Variants in ASB3 observed in about 807,000 individuals in gnomAD.
The protein encoded by ASB3 is ankyrin repeat and SOCS box protein 3.
In ASB3, 41 loss-of-function variants were observed where a neutral mutation model predicts 54.5. The observed-to-expected ratio is 0.75, with a 90% CI of 0.59 to 0.98. The LOEUF (loss-of-function observed/expected upper bound fraction) is 0.98, where lower values mean the gene tolerates loss of function less well. Ranked by LOEUF, ASB3 falls within the 50% of genes least tolerant of loss-of-function variation. ASB3 has a pLI of 0.00. For synonymous variants in ASB3, 266 were observed against 221.2 expected (o/e 1.20, Z -1.80); for missense variants, 733 against 620.0 (o/e 1.18, Z -1.94).
intron 3 of ASB3, among the ~76,000 whole-genome samples, chr2:53,736,004 A>T (rs1255013293): frequency 6.6e-6 from 1 of 151,962 alleles, no homozygotes; most frequent in Admixed American, 6.5e-5. Context: ...CTTCTAAAAA[A>T]AAAAAAAAAA....
At chr2:53,767,456 G>A (rs547548575) in intron 1 of ASB3, 1 of 157,530 alleles carries the variant, frequency 6.3e-6, no homozygotes, top group Admixed American at 6.3e-5. Context: ...TGCGGTGCTG[G>A]TACACCGCCT....
intron 7 of ASB3, among the ~76,000 whole-genome samples, chr2:53,705,624 A>G (rs1037048694): frequency 1.3e-5 from 2 of 152,190 alleles, no homozygotes; most frequent in Non-Finnish European, 2.9e-5. Context: ...TTATCCAATA[A>G]TAGGAAGTTT....
chr2:53,766,677 C>T (rs774722448), intron 1 of ASB3, among the ~76,000 whole-genome samples: 5 of 152,114 alleles, frequency 3.3e-5, no homozygotes, highest in Non-Finnish European at 7.4e-5. Context: ...TTGGTCATTA[C>T]ACTCTTTTTA....
intron 7 of ASB3, 31 bp downstream of exon 7, chr2:53,714,353 T>TA: frequency 6.2e-7 from 1 of 1,606,124 alleles, no homozygotes. Context: ...CAAAAAAGAA[T>TA]AAAAAATAAA....
chr2:53,752,836 AC>A (rs1672594294), intron 2 of ASB3, among the ~76,000 whole-genome samples: 1 of 152,244 alleles, frequency 6.6e-6, no homozygotes, highest in Admixed American at 6.5e-5. Context: ...AAAGGAATCA[AC>A]AGAAGCAGTA....
At chr2:53,773,932 G>A (rs905619548) in intron 1 of ASB3, among the ~76,000 whole-genome samples, 22 of 152,064 alleles carry the variant, frequency 1.4e-4, no homozygotes, top group African/African-American at 5.1e-4. Flanking sequence ...TCACTTGAGA[G>A]GCTGAGGCAG....
chr2:53,751,150 A>G (rs529182131), intron 2 of ASB3, among the ~76,000 whole-genome samples: 63 of 152,260 alleles, frequency 4.1e-4, no homozygotes, highest in African/African-American at 1.4e-3. Context: ...TAATACACAA[A>G]TCCTGTCCAC....
intron 9 of ASB3, among the ~76,000 whole-genome samples, chr2:53,682,569 C>A (rs939600381): frequency 6.6e-6 from 1 of 152,040 alleles, no homozygotes; most frequent in Admixed American, 6.5e-5. Flanking sequence ...CTCCACCTCT[C>A]GGGTTCAAGT....
chr2:53,678,614 C>T (rs1449470077), intron 9 of ASB3, among the ~76,000 whole-genome samples: 3 of 152,130 alleles, frequency 2.0e-5, no homozygotes, highest in African/African-American at 4.8e-5. Flanking sequence ...CCCATGCACC[C>T]GACTTTGGGA....
chr2:53,754,777 T>C (rs1672723406), intron 2 of ASB3, among the ~76,000 whole-genome samples: 1 of 152,210 alleles, frequency 6.6e-6, no homozygotes, highest in African/African-American at 2.4e-5. Context: ...TGCAGATAGA[T>C]ATGCAATTTA....
rs1005474275 is a variant in ASB3 at position 53,716,426 on chromosome 2, G to C, written c.782+140C>G. 7 of 1,017,070 alleles carry C rather than the reference G, an allele frequency of 6.9e-6. No individual in the cohort carries two copies. The African/African-American group carries it at 8.1e-5, about 12-fold the overall frequency. 63.0% of individuals were successfully genotyped at this position (1,017,070 alleles called of 1,614,324 possible). On this transcript the variant is annotated intron_variant, in intron 6 of 9. Coordinates refer to ENST00000263634, the MANE Select transcript of ASB3 (RefSeq NM_016115.5). ...AAAGACAGCATGAAGGACAGATTAG[G>C]GGTAGATCTGTTCACCCAGCAGATT...
intron 9 of ASB3, among the ~76,000 whole-genome samples, chr2:53,689,242 T>C (rs1334578462): frequency 6.6e-6 from 1 of 152,152 alleles, no homozygotes; most frequent in Non-Finnish European, 1.5e-5. Context: ...ACCATTATAT[T>C]CTGTCTGCTG....
At position 53,729,574 on chromosome 2, in the gene ASB3, T is replaced by C. The variant is rs1671187341; in HGVS notation, c.356-4A>G. On this transcript the variant is annotated splice_region_variant and splice_polypyrimidine_tract_variant and intron_variant, in intron 3 of 9. Transcript: ENST00000263634. ...TCTATCTGTCCATTTTCAACAGCTG[T>C]AATACAGCAGTTAGAAAAATTAATG... 6.2e-7 allele frequency: 1 copy of C among 1,612,828 alleles called. No homozygotes were observed. Among genetic ancestry groups the C allele is most frequent in the Non-Finnish European group, 8.5e-7 (1 of 1,179,164 alleles).
chr2:53,785,343 G>A (rs1674889826), intron 1 of ASB3, among the ~76,000 whole-genome samples: 1 of 151,932 alleles, frequency 6.6e-6, no homozygotes, highest in Non-Finnish European at 1.5e-5. Context: ...TGCTAAAACA[G>A]GACCTCACAG....
At chr2:53,686,427 C>T (rs1219871225) in intron 9 of ASB3, among the ~76,000 whole-genome samples, 1 of 152,142 alleles carries the variant, frequency 6.6e-6, no homozygotes. Flanking sequence ...ATATTGGTCA[C>T]CTTTAATTTT....
intron 5 of ASB3, among the ~76,000 whole-genome samples, chr2:53,717,089 A>G (rs1476288620): frequency 6.6e-6 from 1 of 152,200 alleles, no homozygotes; most frequent in Non-Finnish European, 1.5e-5. Flanking sequence ...CGTCAGCAAG[A>G]AAACAAGTGA....
intron 2 of ASB3, among the ~76,000 whole-genome samples, chr2:53,756,562 GAATAAAC>G (rs2104035663): frequency 6.6e-6 from 1 of 152,278 alleles, no homozygotes; most frequent in South Asian, 2.1e-4. Context: ...TCAGCAGACT[GAATAAAC>G]AAGACTTGCC....
intron 3 of ASB3, among the ~76,000 whole-genome samples, chr2:53,729,883 G>T (rs971949552): frequency 6.6e-6 from 1 of 152,166 alleles, no homozygotes; most frequent in Non-Finnish European, 1.5e-5. Flanking sequence ...AGGATATAAG[G>T]TGGACAATTC....
intron 3 of ASB3, among the ~76,000 whole-genome samples, chr2:53,743,583 T>C (rs954941945): frequency 6.6e-6 from 1 of 152,198 alleles, no homozygotes; most frequent in African/African-American, 2.4e-5. Flanking sequence ...AAGAGAGTTA[T>C]GTAAGAACAA....
Sources: gnomAD v4.1 joint callset for allele counts (sites outside exome capture counted in the v4.1 genomes callset) on GRCh38, gnomAD v4.1.1 for gene constraint, MANE v1.5 for transcripts, NCBI Gene and HGNC (gene_info 2026-07-23, HGNC 2026-07-21) for gene names.